Variants in ATP8B3 observed in about 807,000 individuals in gnomAD.
ATP8B3 encodes the protein phospholipid-transporting ATPase IK.
In ATP8B3, 141 loss-of-function variants were observed where a neutral mutation model predicts 140.9. The ratio of observed to expected loss-of-function variants is 1.00; its 90% CI spans 0.87 to 1.15. The LOEUF (loss-of-function observed/expected upper bound fraction) is 1.15, where lower values mean the gene tolerates loss of function less well. Among genes scored for constraint, ATP8B3 ranks in the 50% most tolerant of loss-of-function variants. The probability of loss-of-function intolerance (pLI) is 0.00; values close to 1 mark genes in which losing one functional copy is unlikely to be tolerated. For synonymous variants in ATP8B3, 765 were observed against 714.6 expected (o/e 1.07, Z -1.13); for missense variants, 1,874 against 1,740.6 (o/e 1.08, Z -1.36).
At position 1,809,754 on chromosome 19, in the gene ATP8B3, C is replaced by G; in HGVS notation, c.311-20G>C. 2 of 1,590,758 alleles carry G rather than the reference C, an allele frequency of 1.3e-6. No individual in the cohort carries two copies. Among genetic ancestry groups the G allele is most frequent in the Non-Finnish European group, 1.7e-6 (2 of 1,168,432 alleles). On this transcript the variant is annotated intron_variant, in intron 3 of 28. Transcript: ENST00000310127. The stretch of plus-strand genomic sequence containing the variant: ...TGAATGCTGCAGCGAGAGAGCCGGG[C>G]GTCGCTGGAGCTCGAGGCCCAGGAC...
rs762008139 is a variant in ATP8B3, at chr19:1,800,067, G to C, written c.1432C>G (p.Arg478Gly). 6 of 1,589,586 alleles carry C rather than the reference G, an allele frequency of 3.8e-6. No individual in the cohort carries two copies. The South Asian group carries it at 6.8e-5, about 18-fold the overall frequency. The change falls in exon 14 of 29, where the codon CGC (arginine) becomes GGC (glycine). Residue 478 changes from arginine (R) to glycine (G), a missense_variant. Arg to Gly is a moderately radical substitution (Grantham distance 125, BLOSUM62 -2). Coordinates refer to ENST00000310127, the MANE Select transcript of ATP8B3 (RefSeq NM_138813.4). This position sits in a 1 kb window ranked among gnomAD's most constrained non-coding sequence, Gnocchi z 4.4. ...YKPQDVPAKARSTSLNDHLGQ... is the reference protein window; with the variant it reads ...YKPQDVPAKAGSTSLNDHLGQ... The stretch of plus-strand genomic sequence containing the variant: ...AGGTGGTCGTTGAGGCTGGTGCTGC[G>C]GGCCTTGGCAGGCACGTCCTGCGGC...
Position 1,800,318 on chromosome 19 carries a change from G to A in ATP8B3, c.1284C>T (p.Phe428=), listed in dbSNP as rs767515357. The change falls in exon 13 of 29, where the codon TTC becomes TTT. Residue 428 remains phenylalanine, a synonymous_variant. Coordinates refer to ENST00000310127, the MANE Select transcript of ATP8B3 (RefSeq NM_138813.4). This position sits in a 1 kb window ranked among gnomAD's most constrained non-coding sequence, Gnocchi z 4.4. ...HGSSVAAESF[F]VFWSFLILLS... ...GCAGGATGAGGAAGCTCCAGAAGAC[G>A]AAGAAGGACTCTGCGGCCACGCTGC... 7.4e-6 allele frequency: 12 copies of A among 1,612,826 alleles called. No individual in the cohort carries two copies. Among genetic ancestry groups the A allele is most frequent in the African/African-American group, 2.7e-5 (2 of 74,920 alleles).
chr19:1,794,460 C>G lies in ATP8B3; in HGVS notation c.2055+1415G>C, dbSNP rs989657470. On this transcript the variant is annotated intron_variant, in intron 18 of 28. Coordinates refer to ENST00000310127, the MANE Select transcript of ATP8B3 (RefSeq NM_138813.4). The surrounding 1 kb of genome is among the most constrained non-coding windows in gnomAD (Gnocchi z 4.8). ...ATCTTCCCACACACACCCCGCTGCC[C>G]TGTGCTCCATGCTGCTGGGGCCCCA... 6.6e-6 allele frequency among the ~76,000 whole-genome samples: 1 copy of G among 152,042 alleles called. No individual in the cohort carries two copies. Among genetic ancestry groups the G allele is most frequent in the Admixed American group, 6.6e-5 (1 of 15,266 alleles).
intron 24 of ATP8B3, 68 bp downstream of exon 24, chr19:1,788,829 G>A (rs1308732969): frequency 1.6e-5 from 23 of 1,423,734 alleles, no homozygotes; most frequent in Non-Finnish European, 2.2e-5. Flanking sequence ...GCTGCTCCTG[G>A]CAGCTATGGG....
Position 1,789,446 on chromosome 19 carries a change from G to C in ATP8B3, c.2760C>G (p.Ala920=). The C allele has an allele frequency of 6.3e-7, 1 of 1,597,762 alleles. No individual in the cohort carries two copies. Among genetic ancestry groups the C allele is most frequent in the Admixed American group, 1.7e-5 (1 of 59,746 alleles). The change falls in exon 23 of 29, where the codon GCC becomes GCG. Residue 920 remains alanine, a synonymous_variant. Coordinates refer to ENST00000310127, the MANE Select transcript of ATP8B3 (RefSeq NM_138813.4). ...ICCRVTPKQK[A]LIVALVKKYH... is the part of the protein sequence containing the mutation. ...ACTTCTTGACCAGGGCCACGATCAG[G>C]GCCTTCTGCTTGGGCGTCACGCGGC...
In ATP8B3 at chr19:1,782,601, TCTC is replaced by T. The variant is rs1223585239; in HGVS notation, c.*424_*426del. 13 of 233,226 alleles carry T rather than the reference TCTC, an allele frequency of 5.6e-5. No individual in the cohort carries two copies. Among genetic ancestry groups the T allele is most frequent in the Middle Eastern group, 1.6e-3 (1 of 610 alleles). 14.4% of individuals were successfully genotyped at this position (233,226 alleles called of 1,614,324 possible). A position where few individuals can be genotyped will look rare whatever the true frequency, so the allele number is the denominator to read the frequency against. On this transcript the variant is annotated 3_prime_UTR_variant, in exon 29 of 29. Coordinates refer to ENST00000310127, the MANE Select transcript of ATP8B3 (RefSeq NM_138813.4). ...GTGGAGGGCTTCAAAAATGCTGACTTCTCCTCCGAGGAGTCTGGCTGGCTCTCC... is the reference window on the plus strand; with the variant it reads ...GTGGAGGGCTTCAAAAATGCTGACTTCTCCGAGGAGTCTGGCTGGCTCTCC...
intron 20 of ATP8B3, among the ~76,000 whole-genome samples, chr19:1,791,361 G>A (rs547401794): frequency 3.8e-4 from 58 of 150,814 alleles, no homozygotes; most frequent in Non-Finnish European, 6.3e-4. Context: ...ACAAGCATGT[G>A]CCACTGCGCT....
At chr19:1,808,464 C>G in intron 4 of ATP8B3, 129 bp from the exon 5 acceptor site, 1 of 635,686 alleles carries the variant, frequency 1.6e-6, no homozygotes, top group South Asian at 1.7e-5. Context: ...ACACACCATT[C>G]ATTAAGCATC....
chr19:1,808,635 A>G (rs2069100096), intron 4 of ATP8B3, among the ~76,000 whole-genome samples: 1 of 152,200 alleles, frequency 6.6e-6, no homozygotes, highest in African/African-American at 2.4e-5. Flanking sequence ...CAGTAATGTA[A>G]AAGCCTGGAG....
chr19:1,792,028 C>T lies in ATP8B3; in HGVS notation c.2163G>A (p.Leu721=). The T allele has an allele frequency of 6.5e-7, 1 of 1,549,816 alleles. No homozygotes were observed. The part of the protein sequence containing the change: ...QQRHQEASLL[L]QNRAQALQQL... The stretch of plus-strand genomic sequence containing the variant: ...GTTGCAGGGCCTGTGCCCGGTTCTG[C>T]AGCAGGAGGCTGGCCTCCTGGTGGC... Residue 721 remains leucine, a synonymous_variant, in exon 19 of 29, where the codon CTG becomes CTA. Transcript: ENST00000310127.
At chr19:1,785,358 C>A in intron 26 of ATP8B3, 61 bp from the exon 27 acceptor site, 1 of 1,550,990 alleles carries the variant, frequency 6.4e-7, no homozygotes, top group East Asian at 2.3e-5. Flanking sequence ...GGACACCAGC[C>A]CCTGGGGTCC....
chr19:1,785,660 C>A lies in ATP8B3; in HGVS notation c.3202G>T (p.Gly1068Trp). The part of the protein sequence containing the change: ...SLEKPELYVV[G>W]QKDELFNYWV... ...TAGTTGAAGAGCTCGTCCTTCTGCC[C>A]CACCACGTACAGCTCCGGCTTCTCC... Residue 1068 changes from glycine (G) to tryptophan (W), a missense_variant, in exon 26 of 29, where the codon GGG becomes TGG. Physicochemically the swap from Gly to Trp is radical, Grantham distance 184. This residue lies in a region of ATP8B3 where 840 missense variants were observed against 760.9 expected (regional missense o/e 1.10). Coordinates refer to ENST00000310127, the MANE Select transcript of ATP8B3 (RefSeq NM_138813.4). 6.2e-7 allele frequency: 1 copy of A among 1,612,990 alleles called. No homozygotes were observed. The highest frequency in any genetic ancestry group is 1.3e-5 in the African/African-American group (1 of 75,024).
chr19:1,796,808 G>T lies in ATP8B3; in HGVS notation c.1656C>A (p.Leu552=). Residue 552 remains leucine (L), a synonymous_variant, in exon 16 of 29, where the codon CTC becomes CTA. Transcript: ENST00000310127. ...LLFHNAALLH[L]VRTNGDEAVR... ...CGGCCTCGTCCCCGTTGGTCCGCACGAGGTGCAGCAGGGCCGCATTGTGGA... is the reference window on the plus strand; with the variant it reads ...CGGCCTCGTCCCCGTTGGTCCGCACTAGGTGCAGCAGGGCCGCATTGTGGA... 1 of 1,612,586 alleles carries T rather than the reference G, an allele frequency of 6.2e-7. No homozygotes were observed. Among genetic ancestry groups the T allele is most frequent in the South Asian group, 1.1e-5 (1 of 91,074 alleles).
rs747379214 is a variant in ATP8B3 at position 1,789,930 on chromosome 19, G to A, written c.2438C>T (p.Ser813Leu). 162 of 1,611,998 alleles carry A rather than the reference G, an allele frequency of 1.0e-4. 1 individual carries two copies. The highest frequency in any genetic ancestry group is 2.5e-4 in the Admixed American group (15 of 59,984). The change falls in exon 22 of 29, where the codon TCG becomes TTG. Residue 813 changes from serine to leucine, a missense_variant. Around this residue, in one of 3 missense-constraint regions of ATP8B3, gnomAD observed 840 missense variants for 760.9 expected, o/e 1.10. Transcript: ENST00000310127. ...AATGACCAAGGCCAGCTTGACCTGC[G>A]ACAGGGACTCCCTGGTTAGAAGGTT... Reference protein sequence around the residue: ...SNNLLTRESLSQVKLALVING... With the variant: ...SNNLLTRESLLQVKLALVING...
Position 1,785,483 on chromosome 19 carries a change from A to G in ATP8B3, c.3379T>C (p.Ser1127Pro), listed in dbSNP as rs1322147872. The G allele has an allele frequency of 3.1e-6, 5 of 1,612,656 alleles. No homozygotes were observed. Among genetic ancestry groups the G allele is most frequent in the Middle Eastern group, 1.6e-4 (1 of 6,084 alleles). ...AVVVALSCLL[S>P]ITMEVILIIK... ...ACCTTGCCCACCTCCATGGTGATGG[A>G]CAGCAGGCAAGACAGGGCCACCACG... The change falls in exon 26 of 29, where the codon TCC becomes CCC. Residue 1127 changes from serine to proline, a missense_variant. Around this residue, in one of 3 missense-constraint regions of ATP8B3, gnomAD observed 840 missense variants for 760.9 expected, o/e 1.10. Transcript: ENST00000310127.
In ATP8B3 at chr19:1,805,962, G is replaced by A. The variant is rs1170129913; in HGVS notation, c.751-4C>T. 6.2e-7 allele frequency: 1 copy of A among 1,611,478 alleles called. No individual in the cohort carries two copies. The highest frequency in any genetic ancestry group is 8.5e-7 in the Non-Finnish European group (1 of 1,178,792). On this transcript the variant is annotated splice_region_variant and splice_polypyrimidine_tract_variant and intron_variant, in intron 8 of 28. Coordinates refer to ENST00000310127, the MANE Select transcript of ATP8B3 (RefSeq NM_138813.4). The surrounding 1 kb of genome is among the most constrained non-coding windows in gnomAD (Gnocchi z 5.2). ...TGGCCAGCAAGAGCATGTCGGCCTGGTGTGGAGTGGGGGGCAGCGTTGCAA... is the reference window on the plus strand; with the variant it reads ...TGGCCAGCAAGAGCATGTCGGCCTGATGTGGAGTGGGGGGCAGCGTTGCAA...
chr19:1,786,168 G>A (rs928023321), intron 25 of ATP8B3, among the ~76,000 whole-genome samples: 1 of 152,096 alleles, frequency 6.6e-6, no homozygotes, highest in South Asian at 2.1e-4. Flanking sequence ...GAGCTCTGGA[G>A]GTTGGTCACT....
chr19:1,802,731 C>T (rs966130492), intron 10 of ATP8B3, 86 bp from the exon 11 acceptor site: 9 of 1,468,916 alleles, frequency 6.1e-6, no homozygotes, highest in Admixed American at 4.1e-5. Context: ...GAGAACATTC[C>T]GGCCACCCTC....
At chr19:1,785,401 G>T in intron 26 of ATP8B3, 68 bp downstream of exon 26, 1 of 1,571,814 alleles carries the variant, frequency 6.4e-7, no homozygotes, top group South Asian at 1.2e-5. Context: ...CCCAAAGCAG[G>T]GGTCCCCAGG....
Sources: allele counts gnomAD v4.1 joint callset (sites outside exome capture counted in the v4.1 genomes callset), GRCh38; gene constraint gnomAD v4.1.1; regional missense constraint gnomAD v4.1.1; non-coding constraint Gnocchi (gnomAD v3.1); transcripts MANE v1.5; gene names NCBI Gene and HGNC (gene_info 2026-07-23, HGNC 2026-07-21).